The following GRIK1 variants were observed in gnomAD, a reference collection of about 807,000 sequenced individuals.
GRIK1 encodes glutamate ionotropic receptor kainate type subunit 1.
Under a neutral mutation model 105.7 loss-of-function variants are expected in GRIK1, and 69 were observed. The ratio of observed to expected loss-of-function variants is 0.65; its 90% CI spans 0.54 to 0.80. GRIK1 has a LOEUF of 0.80. Among genes scored for constraint, GRIK1 ranks in the 30% least tolerant of loss-of-function variants. The pLI is 0.00. For synonymous variants in GRIK1, 438 were observed against 431.3 expected (o/e 1.02, Z -0.19); for missense variants, 1,109 against 1,167.3 (o/e 0.95, Z 0.73).
At chr21:29,626,346 A>C (rs1183847724) in intron 7 of GRIK1, among the ~76,000 whole-genome samples, 1 of 152,188 alleles carries the variant, frequency 6.6e-6, no homozygotes, top group Non-Finnish European at 1.5e-5. Context: ...TGAAGGTCCC[A>C]CCACTTAACG....
chr21:29,639,868 T>C (rs1170715884), intron 7 of GRIK1, among the ~76,000 whole-genome samples: 1 of 152,186 alleles, frequency 6.6e-6, no homozygotes, highest in African/African-American at 2.4e-5. Flanking sequence ...AGAGCTAACA[T>C]AGTAACATAC....
At chr21:29,783,593 A>G (rs190980305) in intron 1 of GRIK1, among the ~76,000 whole-genome samples, 73 of 152,276 alleles carry the variant, frequency 4.8e-4, no homozygotes, top group African/African-American at 1.6e-3. Flanking sequence ...TTTTCAATCC[A>G]TATCAAATGA....
At chr21:29,704,548 T>C (rs1300177357) in intron 1 of GRIK1, among the ~76,000 whole-genome samples, 4 of 152,218 alleles carry the variant, frequency 2.6e-5, no homozygotes, top group African/African-American at 9.6e-5. Flanking sequence ...GATTTGGTCA[T>C]AGTATGTTGT....
chr21:29,895,950 C>T (rs770619517), intron 1 of GRIK1, among the ~76,000 whole-genome samples: 2 of 152,202 alleles, frequency 1.3e-5, no homozygotes, highest in African/African-American at 2.4e-5. Context: ...TCCTTTGCTC[C>T]AGCCACACTG....
intron 1 of GRIK1, among the ~76,000 whole-genome samples, chr21:29,759,397 C>T (rs555338438): frequency 4.6e-5 from 7 of 152,136 alleles, no homozygotes; most frequent in African/African-American, 1.7e-4. Flanking sequence ...GGATTACAGG[C>T]GTGAGACACC....
At chr21:29,736,238 G>C (rs976464855) in intron 1 of GRIK1, among the ~76,000 whole-genome samples, 1 of 150,366 alleles carries the variant, frequency 6.7e-6, no homozygotes, top group Non-Finnish European at 1.5e-5. Flanking sequence ...GATTATTTTT[G>C]AGATAGAGTT....
intron 1 of GRIK1, among the ~76,000 whole-genome samples, chr21:29,917,238 C>A (rs1602042927): frequency 6.6e-6 from 1 of 151,960 alleles, no homozygotes; most frequent in Non-Finnish European, 1.5e-5. Flanking sequence ...GCAAAACAGA[C>A]AAACGTTAAA....
At chr21:29,879,892 A>T (rs904784309) in intron 1 of GRIK1, among the ~76,000 whole-genome samples, 11 of 152,050 alleles carry the variant, frequency 7.2e-5, no homozygotes, top group Admixed American at 1.3e-4. Flanking sequence ...CAAACAGGAG[A>T]TGAAGAAAAC....
At chr21:29,801,436 C>T (rs2066708811) in intron 1 of GRIK1, among the ~76,000 whole-genome samples, 1 of 152,038 alleles carries the variant, frequency 6.6e-6, no homozygotes, top group Non-Finnish European at 1.5e-5. Context: ...AAACTGAATT[C>T]AGACTTCACT....
intron 1 of GRIK1, among the ~76,000 whole-genome samples, chr21:29,896,745 T>C (rs1482629919): frequency 6.6e-6 from 1 of 152,184 alleles, no homozygotes; most frequent in African/African-American, 2.4e-5. Context: ...ACCAATTCTA[T>C]GTAAAGATTA....
At chr21:29,870,355 T>C (rs965954363) in intron 1 of GRIK1, among the ~76,000 whole-genome samples, 1 of 152,140 alleles carries the variant, frequency 6.6e-6, no homozygotes, top group Non-Finnish European at 1.5e-5. Context: ...AGATTTTCAA[T>C]TTGCGATATC....
At chr21:29,621,947 T>C (rs1416726610) in intron 7 of GRIK1, among the ~76,000 whole-genome samples, 2 of 150,982 alleles carry the variant, frequency 1.3e-5, no homozygotes, top group East Asian at 3.9e-4. Context: ...ATAACTTCTT[T>C]TTTCTTTTTT....
intron 1 of GRIK1, among the ~76,000 whole-genome samples, chr21:29,858,950 A>AT (rs201141763): frequency 1.1e-4 from 16 of 147,790 alleles, no homozygotes; most frequent in East Asian, 4.2e-4. Context: ...TAAATTCTAC[A>AT]TTTTTTTTGT....
Position 29,694,126 on chromosome 21 carries a change from T to TTC in GRIK1, c.119-64_119-63insGA, listed in dbSNP as rs1468964803. Reference sequence around the variant, plus strand: ...ACATGGTTCACATGTAATTTTTTTTTTTTTTTTTTTTTTTTTGAGACGGAG... The same window carrying TTC: ...ACATGGTTCACATGTAATTTTTTTTTTCTTTTTTTTTTTTTTTTGAGACGGAG... On this transcript the variant is annotated intron_variant, in intron 1 of 17. Transcript: ENST00000327783. 47 of 1,044,108 alleles carry TTC rather than the reference T, an allele frequency of 4.5e-5. No homozygotes were observed. In the East Asian group the frequency reaches 1.4e-3, roughly 32 times the overall value. The allele number at this position is 1,044,108 out of a possible 1,614,324, so 64.7% of individuals were successfully genotyped here.
intron 1 of GRIK1, among the ~76,000 whole-genome samples, chr21:29,798,255 A>G (rs1757413893): frequency 6.6e-6 from 1 of 152,212 alleles, no homozygotes; most frequent in Non-Finnish European, 1.5e-5. Flanking sequence ...AAAAATTCTT[A>G]GGCGAATGGG....
intron 3 of GRIK1, among the ~76,000 whole-genome samples, chr21:29,675,149 C>T (rs2063241698): frequency 6.6e-6 from 1 of 152,164 alleles, no homozygotes; most frequent in Non-Finnish European, 1.5e-5. Context: ...AAGTAACTTA[C>T]AAAGATAGTT....
intron 1 of GRIK1, among the ~76,000 whole-genome samples, chr21:29,898,988 T>C (rs527610959): frequency 1.2e-3 from 175 of 151,972 alleles, no homozygotes; most frequent in African/African-American, 3.9e-3. Context: ...AAAAAAATTG[T>C]GAAAACATCT....
At chr21:29,606,328 C>G (rs568968681) in intron 7 of GRIK1, among the ~76,000 whole-genome samples, 9 of 152,038 alleles carry the variant, frequency 5.9e-5, no homozygotes, top group Admixed American at 5.9e-4. Context: ...GCAGGATATG[C>G]CGGTTTTTTA....
intron 16 of GRIK1, among the ~76,000 whole-genome samples, chr21:29,540,106 A>C (rs1397647784): frequency 6.6e-6 from 1 of 152,204 alleles, no homozygotes; most frequent in Non-Finnish European, 1.5e-5. Context: ...TGACACACAC[A>C]GAGGAAGGTC....
Sources: allele counts gnomAD v4.1 joint callset (sites outside exome capture counted in the v4.1 genomes callset), GRCh38; gene constraint gnomAD v4.1.1; transcripts MANE v1.5; gene names NCBI Gene and HGNC (gene_info 2026-07-23, HGNC 2026-07-21).